The following MSANTD2 variants were observed in gnomAD, a reference collection of about 807,000 sequenced individuals.
MSANTD2 encodes Myb/SANT DNA binding domain containing 2.
MSANTD2 carries 19 observed loss-of-function variants against 52.6 expected under a neutral mutation model. The ratio of observed to expected loss-of-function variants is 0.36; its 90% CI spans 0.25 to 0.53. The LOEUF is 0.53. Among genes scored for constraint, MSANTD2 ranks in the 20% least tolerant of loss-of-function variants. The pLI is 0.91. For synonymous variants in MSANTD2, 291 were observed against 289.7 expected (o/e 1.00, Z -0.04); for missense variants, 558 against 716.3 (o/e 0.78, Z 2.52).
At position 124,799,905 on chromosome 11, in the gene MSANTD2, T is replaced by C. The variant is rs1433951893; in HGVS notation, c.476A>G (p.Glu159Gly). 3.2e-6 allele frequency: 5 copies of C among 1,585,022 alleles called. No individual in the cohort carries two copies. Among genetic ancestry groups the C allele is most frequent in the African/African-American group, 1.4e-5 (1 of 73,530 alleles). Reference protein sequence around the residue: ...VSRALAELGYERTPSQCRERI... With the variant: ...VSRALAELGYGRTPSQCRERI... ...CTCCCGGCACTGGGACGGGGTCCGC[T>C]CGTAGCCCAGCTCGGCCAGGGCCCG... Residue 159 changes from glutamate to glycine, a missense_variant, in exon 1 of 4, where the codon GAG (glutamate) becomes GGG (glycine). Physicochemically the swap from Glu to Gly is moderately conservative, Grantham distance 98. This residue lies in a region of MSANTD2 where 408 missense variants were observed against 573.6 expected (regional missense o/e 0.71). Transcript: ENST00000374979.
At chr11:124,792,582 T>A (rs548409509) in intron 1 of MSANTD2, 1 of 152,216 alleles carries the variant, frequency 6.6e-6, no homozygotes, top group East Asian at 1.9e-4. Context: ...AAGCCTAGGA[T>A]GTGTGTGCTC....
chr11:124,791,609 C>T, intron 1 of MSANTD2: 1 of 1,477,722 alleles, frequency 6.8e-7, no homozygotes, highest in Non-Finnish European at 9.4e-7. Flanking sequence ...TGCCCAATAT[C>T]AGTGGGATCG....
At chr11:124,786,095 C>CTTTTTTTTTTT (rs200399771) in intron 1 of MSANTD2, among the ~76,000 whole-genome samples, 5 of 114,408 alleles carry the variant, frequency 4.4e-5, no homozygotes, top group Non-Finnish European at 5.3e-5. Context: ...ATCATTTCTT[C>CTTTTTTTTTTT]TTTTTTTTTT....
chr11:124,767,448 T>C lies in MSANTD2; in HGVS notation c.1408A>G (p.Thr470Ala), dbSNP rs1057004307. 3 of 1,614,040 alleles carry C rather than the reference T, an allele frequency of 1.9e-6. No individual in the cohort carries two copies. In the Admixed American group the frequency reaches 5.0e-5, roughly 27 times the overall value. The change falls in exon 4 of 4, where the codon ACC becomes GCC. Residue 470 changes from threonine (T) to alanine (A), a missense_variant. Physicochemically the swap from Thr to Ala is moderately conservative, Grantham distance 58 (BLOSUM62 0). Transcript: ENST00000374979. The surrounding 1 kb of genome is among the most constrained non-coding windows in gnomAD (Gnocchi z 6.5). ...CCGAGGTAGCAATAGATAATTCGGG[T>C]GGGTTCTATTTCCACCTGTAATGAG... ...QASLQVEIEP[T>A]RIIYCYLGIA... is the part of the protein sequence containing the mutation.
intron 3 of MSANTD2, among the ~76,000 whole-genome samples, chr11:124,772,723 C>T (rs996185748): frequency 1.7e-5 from 2 of 118,282 alleles, no homozygotes; most frequent in Non-Finnish European, 3.2e-5. Flanking sequence ...GGTGACAGAG[C>T]GAGAGCGAGA....
intron 1 of MSANTD2, 93 bp downstream of exon 1, chr11:124,799,778 G>GCCCTGCCCTCAGACCGGC: frequency 1.1e-6 from 1 of 901,852 alleles, no homozygotes; most frequent in Non-Finnish European, 1.6e-6. Flanking sequence ...CCGGAGGAGA[G>GCCCTGCCCTCAGACCGGC]CCCTGCCCTC....
At position 124,799,456 on chromosome 11, in the gene MSANTD2, C is replaced by T. The variant is rs565051285; in HGVS notation, c.510+415G>A. 3.1e-4 allele frequency among the ~76,000 whole-genome samples: 47 copies of T among 152,350 alleles called. No homozygotes were observed. In the East Asian group the frequency reaches 7.1e-3, roughly 23 times the overall value. On this transcript the variant is annotated intron_variant, in intron 1 of 3. Coordinates refer to ENST00000374979, the MANE Select transcript of MSANTD2 (RefSeq NM_001308027.2). ...CTAAACTAGGGGCTCAATGCCCCCCCCTTCTGCCCTTCCTCAATCCTGCCC... is the reference window on the plus strand; with the variant it reads ...CTAAACTAGGGGCTCAATGCCCCCCTCTTCTGCCCTTCCTCAATCCTGCCC...
intron 1 of MSANTD2, among the ~76,000 whole-genome samples, chr11:124,783,359 G>C (rs1402328615): frequency 6.6e-6 from 1 of 152,198 alleles, no homozygotes; most frequent in Non-Finnish European, 1.5e-5. Flanking sequence ...AGTGGCTCAA[G>C]CCTATAATCC....
At chr11:124,791,583 C>A in intron 1 of MSANTD2, 1 of 1,409,568 alleles carries the variant, frequency 7.1e-7, no homozygotes. Context: ...TGCCAGTCTC[C>A]GAGGAGTAAG....
intron 1 of MSANTD2, chr11:124,790,943 G>GA (rs1309393624): frequency 3.5e-6 from 1 of 287,094 alleles, no homozygotes; most frequent in African/African-American, 2.2e-5. Context: ...CACAATGAAT[G>GA]AAAAAATCTT....
intron 3 of MSANTD2, among the ~76,000 whole-genome samples, chr11:124,772,760 A>T (rs1378672887): frequency 1.3e-5 from 2 of 151,332 alleles, no homozygotes; most frequent in Non-Finnish European, 3.0e-5. Context: ...AAAAAAAAAA[A>T]AAAAAAAAAA....
intron 1 of MSANTD2, chr11:124,791,541 C>A (rs1945332071): frequency 8.6e-7 from 1 of 1,168,942 alleles, no homozygotes; most frequent in East Asian, 2.4e-5. Context: ...CAGAAGGGTG[C>A]AGACAGAAGG....
At chr11:124,781,062 AG>A (rs1247593782) in intron 1 of MSANTD2, among the ~76,000 whole-genome samples, 2 of 152,046 alleles carry the variant, frequency 1.3e-5, no homozygotes, top group Non-Finnish European at 2.9e-5. Context: ...GGGCACCTGT[AG>A]TCCCAGCTAC....
intron 3 of MSANTD2, among the ~76,000 whole-genome samples, chr11:124,770,403 A>T (rs1944466859): frequency 6.6e-6 from 1 of 151,068 alleles, no homozygotes; most frequent in African/African-American, 2.4e-5. Context: ...GACTCAAGTA[A>T]CCCCCCACCT....
chr11:124,781,650 GTC>G (rs1334708799), intron 1 of MSANTD2, among the ~76,000 whole-genome samples: 3 of 140,066 alleles, frequency 2.1e-5, no homozygotes, highest in Admixed American at 2.1e-4. Context: ...GATCATCAAT[GTC>G]TTTTTTTTTT....
chr11:124,771,473 A>G (rs113847777), intron 3 of MSANTD2, among the ~76,000 whole-genome samples: 79 of 152,346 alleles, frequency 5.2e-4, no homozygotes, highest in African/African-American at 1.6e-3. Context: ...CTTGCTGAAT[A>G]AAAACAACTA....
chr11:124,794,350 A>G (rs988415707), intron 1 of MSANTD2, among the ~76,000 whole-genome samples: 1 of 152,246 alleles, frequency 6.6e-6, no homozygotes, highest in Non-Finnish European at 1.5e-5. Flanking sequence ...AATCTTAAAT[A>G]TAAGTGTATG....
Position 124,783,400 on chromosome 11 carries a change from C to T in MSANTD2, c.511-8426G>A, listed in dbSNP as rs963530374. Among the ~76,000 whole-genome samples the T allele has an allele frequency of 1.4e-4, 21 of 152,110 alleles. 1 individual carries two copies. Among genetic ancestry groups the T allele is most frequent in the African/African-American group, 4.6e-4 (19 of 41,412 alleles). ...CTTTTGGAGGCCAAGGCAGGCAGAT[C>T]GCTTGAGGCCAGGAGTTCTAGACCA... On this transcript the variant is annotated intron_variant, in intron 1 of 3. Coordinates refer to ENST00000374979, the MANE Select transcript of MSANTD2 (RefSeq NM_001308027.2).
intron 1 of MSANTD2, chr11:124,784,140 C>T: frequency 1.0e-6 from 1 of 985,078 alleles, no homozygotes; most frequent in Non-Finnish European, 1.2e-6. Flanking sequence ...TCTAGAACTT[C>T]CTCCTCACCT....
Sources: allele counts gnomAD v4.1 joint callset (sites outside exome capture counted in the v4.1 genomes callset), GRCh38; gene constraint gnomAD v4.1.1; regional missense constraint gnomAD v4.1.1; non-coding constraint Gnocchi (gnomAD v3.1); transcripts MANE v1.5; gene names NCBI Gene and HGNC (gene_info 2026-07-23, HGNC 2026-07-21).